Variants in MYO1D observed in about 807,000 individuals in gnomAD.
MYO1D encodes the protein unconventional myosin-Id.
In MYO1D, 83 loss-of-function variants were observed where a neutral mutation model predicts 122.0. The ratio of observed to expected loss-of-function variants is 0.68; its 90% CI spans 0.57 to 0.82. MYO1D has a LOEUF of 0.82. Ranked by LOEUF, MYO1D falls within the 40% of genes least tolerant of loss-of-function variation. The pLI is 0.00. For synonymous variants in MYO1D, 464 were observed against 446.9 expected, an observed-to-expected ratio of 1.04 and a Z score of -0.48; for missense variants, 1,157 against 1,269.5, an observed-to-expected ratio of 0.91 and a Z score of 1.35.
chr17:32,503,770 G>A (rs1041720437), intron 21 of MYO1D, among the ~76,000 whole-genome samples: 2 of 152,220 alleles, frequency 1.3e-5, no homozygotes, highest in Non-Finnish European at 2.9e-5. Context: ...TCACACTGAG[G>A]ACAACAGCTA....
chr17:32,517,639 C>T (rs1909940399), intron 21 of MYO1D, among the ~76,000 whole-genome samples: 1 of 152,108 alleles, frequency 6.6e-6, no homozygotes, highest in African/African-American at 2.4e-5. Context: ...CGCTTTAAAC[C>T]GTTTAAGCAT....
intron 11 of MYO1D, among the ~76,000 whole-genome samples, chr17:32,751,075 AT>A (rs982623717): frequency 1.1e-3 from 160 of 151,684 alleles, no homozygotes; most frequent in Non-Finnish European, 2.0e-3. Flanking sequence ...ATTTTTCTTT[AT>A]TTTTTTTGGT....
chr17:32,826,832 C>T (rs1342601162), intron 1 of MYO1D, among the ~76,000 whole-genome samples: 3 of 152,048 alleles, frequency 2.0e-5, no homozygotes, highest in African/African-American at 7.2e-5. Context: ...AATTCTGATA[C>T]AATCATAGTT....
chr17:32,613,937 A>G (rs919765899), intron 20 of MYO1D, among the ~76,000 whole-genome samples: 4 of 151,812 alleles, frequency 2.6e-5, no homozygotes, highest in African/African-American at 9.7e-5. Context: ...TTTTTCAGCC[A>G]AGTATGAAGT....
intron 20 of MYO1D, among the ~76,000 whole-genome samples, chr17:32,622,883 C>T (rs1282795207): frequency 2.6e-5 from 4 of 152,200 alleles, no homozygotes; most frequent in African/African-American, 9.7e-5. Context: ...TAAAATGGGG[C>T]ATGAATTCAA....
At chr17:32,787,734 T>C (rs964582691) in intron 1 of MYO1D, among the ~76,000 whole-genome samples, 1 of 152,116 alleles carries the variant, frequency 6.6e-6, no homozygotes, top group Non-Finnish European at 1.5e-5. Flanking sequence ...TGGTCTTTTA[T>C]TCCTCGCCCA....
At chr17:32,792,296 C>G (rs1462912676) in intron 1 of MYO1D, among the ~76,000 whole-genome samples, 1 of 152,184 alleles carries the variant, frequency 6.6e-6, no homozygotes, top group Non-Finnish European at 1.5e-5. Flanking sequence ...ATTTAAACTT[C>G]TGCTTATAAT....
At chr17:32,740,616 T>C (rs1396939345) in intron 13 of MYO1D, among the ~76,000 whole-genome samples, 1 of 152,130 alleles carries the variant, frequency 6.6e-6, no homozygotes, top group Non-Finnish European at 1.5e-5. Flanking sequence ...TAGCTGGGAC[T>C]ACAGGCACGT....
rs745881728 is a variant in MYO1D at position 32,494,832 on chromosome 17, G to A, written c.2948C>T (p.Thr983Met). 5.6e-6 allele frequency: 9 copies of A among 1,613,772 alleles called. No individual in the cohort carries two copies. The highest frequency in any genetic ancestry group is 2.7e-5 in the African/African-American group (2 of 74,900). ...GTCGGGCTGGGGCTGGTTGAGCCGCGTCTCCACGGAGACGGTGCACTTCTT... is the reference window on the plus strand; with the variant it reads ...GTCGGGCTGGGGCTGGTTGAGCCGCATCTCCACGGAGACGGTGCACTTCTT... ...HGKKCTVSVETRLNQPQPDFT... is the reference protein window; with the variant it reads ...HGKKCTVSVEMRLNQPQPDFT... The change falls in exon 22 of 22, where the codon ACG becomes ATG. Residue 983 changes from threonine (T) to methionine (M), a missense_variant. Coordinates refer to ENST00000318217, the MANE Select transcript of MYO1D (RefSeq NM_015194.3).
chr17:32,712,084 C>T lies in MYO1D; in HGVS notation c.2025G>A (p.Gly675=). 3.7e-6 allele frequency: 6 copies of T among 1,614,118 alleles called. No homozygotes were observed. The highest frequency in any genetic ancestry group is 5.1e-6 in the Non-Finnish European group (6 of 1,180,024). ...RCGFQDDVAY[G]KTKIFIRTPR... is the part of the protein sequence containing the mutation. ...GTGTTCGAATGAAAATTTTGGTCTTCCCATAAGCTACATCATCCTGAAAAC... is the reference window on the plus strand; with the variant it reads ...GTGTTCGAATGAAAATTTTGGTCTTTCCATAAGCTACATCATCCTGAAAAC... Residue 675 remains glycine (G), a synonymous_variant, in exon 16 of 22, where the codon GGG becomes GGA. Coordinates refer to ENST00000318217, the MANE Select transcript of MYO1D (RefSeq NM_015194.3).
At chr17:32,672,250 T>C (rs1052312802) in intron 16 of MYO1D, among the ~76,000 whole-genome samples, 7 of 152,216 alleles carry the variant, frequency 4.6e-5, no homozygotes. Context: ...ATGATAAAAC[T>C]GTATCTTAGC....
intron 8 of MYO1D, among the ~76,000 whole-genome samples, chr17:32,761,169 C>T (rs1006642037): frequency 9.2e-5 from 14 of 152,292 alleles, no homozygotes; most frequent in Admixed American, 4.6e-4. Context: ...AGGTGCCACA[C>T]GCTAACACAC....
At chr17:32,852,004 C>T (rs2090993771) in intron 1 of MYO1D, among the ~76,000 whole-genome samples, 3 of 152,220 alleles carry the variant, frequency 2.0e-5, no homozygotes, top group Non-Finnish European at 1.5e-5. Flanking sequence ...TAGTTTCTCT[C>T]GTACCATTAC....
intron 16 of MYO1D, among the ~76,000 whole-genome samples, chr17:32,684,526 T>C (rs144633479): frequency 3.4e-4 from 52 of 152,326 alleles, no homozygotes; most frequent in Middle Eastern, 3.4e-3. Flanking sequence ...ATATCTTTAT[T>C]TGAAGTTTAA....
intron 1 of MYO1D, among the ~76,000 whole-genome samples, chr17:32,828,515 C>CAAAAA (rs137921871): frequency 9.2e-4 from 66 of 71,702 alleles, no homozygotes; most frequent in South Asian, 1.2e-3. Flanking sequence ...GACTCCGTCT[C>CAAAAA]AAAAAAAAAA....
chr17:32,770,946 A>T (rs1000289906), intron 6 of MYO1D, among the ~76,000 whole-genome samples, 179 bp downstream of exon 6: 1 of 152,344 alleles, frequency 6.6e-6, no homozygotes, highest in East Asian at 1.9e-4. Flanking sequence ...GATTTTAAGC[A>T]AAGTTGTTGA....
rs143962479 is a variant in MYO1D at position 32,780,784 on chromosome 17, T to C, written c.96A>G (p.Arg32=). 1.9e-6 allele frequency: 3 copies of C among 1,613,958 alleles called. No homozygotes were observed. In the African/African-American group the frequency reaches 4.0e-5, roughly 22 times the overall value. Residue 32 remains arginine, a splice_region_variant and synonymous_variant, in exon 2 of 22, where the codon AGA becomes AGG. Transcript: ENST00000318217. The stretch of plus-strand genomic sequence containing the variant: ...ACGTATAGATGCGCCCTTTTTCAAA[T>C]CTGTACAGAAGCAAAAGAAAAGGAA... The part of the protein sequence containing the change: ...MPEFMANLRL[R]FEKGRIYTFI...
intron 21 of MYO1D, chr17:32,528,884 G>A (rs537389680): frequency 6.6e-6 from 1 of 152,390 alleles, no homozygotes; most frequent in African/African-American, 2.4e-5. Context: ...TTCTGGCCCA[G>A]TGAAATGAAT....
chr17:32,638,599 A>C, intron 20 of MYO1D, 123 bp downstream of exon 20: 1 of 577,864 alleles, frequency 1.7e-6, no homozygotes, highest in South Asian at 3.3e-5. Flanking sequence ...GACACATAAA[A>C]TTTCAGGAAT....
Sources: allele counts gnomAD v4.1 joint callset (sites outside exome capture counted in the v4.1 genomes callset), GRCh38; gene constraint gnomAD v4.1.1; transcripts MANE v1.5; gene names NCBI Gene and HGNC (gene_info 2026-07-23, HGNC 2026-07-21).